Variants in ATRN observed in about 807,000 individuals in gnomAD.
ATRN encodes attractin, also known as attractin-2.
ATRN carries 54 observed loss-of-function variants against 178.7 expected under a neutral mutation model. The ratio of observed to expected loss-of-function variants is 0.30; its 90% CI spans 0.24 to 0.38. The LOEUF (loss-of-function observed/expected upper bound fraction) is 0.38. ATRN is among the 10% of genes least tolerant of loss of function. The pLI is 1.00. For missense variants in ATRN, 1,443 were observed against 1,815.1 expected, an observed-to-expected ratio of 0.79 and a Z score of 3.73; for synonymous variants, 636 against 663.0, an observed-to-expected ratio of 0.96 and a Z score of 0.63.
chr20:3,585,493 A>AT (rs1287137494), intron 18 of ATRN, among the ~76,000 whole-genome samples: 3 of 152,170 alleles, frequency 2.0e-5, no homozygotes, highest in Admixed American at 1.3e-4. Context: ...CCAGGAACCA[A>AT]TTTTTTGTCT....
chr20:3,645,797 C>G lies in ATRN; in HGVS notation c.4166-926C>G, dbSNP rs1033922542. ...CACAGGCTCAACAAGGCAAGTAACACGCTCCACTAACACAACTCCTGGCAG... is the reference window on the plus strand; with the variant it reads ...CACAGGCTCAACAAGGCAAGTAACAGGCTCCACTAACACAACTCCTGGCAG... On this transcript the variant is annotated intron_variant, in intron 28 of 28. Transcript: ENST00000262919. The surrounding 1 kb of genome is among the most constrained non-coding windows in gnomAD (Gnocchi z 4.7). Among the ~76,000 whole-genome samples the G allele has an allele frequency of 1.3e-5, 2 of 151,606 alleles. No individual in the cohort carries two copies. Among genetic ancestry groups the G allele is most frequent in the South Asian group, 2.1e-4 (1 of 4,796 alleles).
rs958562053 is a variant in ATRN at position 3,650,684 on chromosome 20, T to C, written c.*3837T>C. 4.6e-5 allele frequency: 7 copies of C among 152,622 alleles called. No homozygotes were observed. Among genetic ancestry groups the C allele is most frequent in the African/African-American group, 1.2e-4 (5 of 41,466 alleles). The allele number at this position is 152,622 out of a possible 1,614,324, so 9.5% of individuals were successfully genotyped here. A position where few individuals can be genotyped will look rare whatever the true frequency, so the allele number is the denominator to read the frequency against. On this transcript the variant is annotated 3_prime_UTR_variant, in exon 29 of 29. Coordinates refer to ENST00000262919, the MANE Select transcript of ATRN (RefSeq NM_139321.3). ...GAGAGGAAAATTGGCACCTCATCTT[T>C]TAAAGGCAGTAATGGAATTGATTTT...
chr20:3,591,805 C>T (rs1277714626), intron 19 of ATRN, among the ~76,000 whole-genome samples: 1 of 152,184 alleles, frequency 6.6e-6, no homozygotes, highest in Non-Finnish European at 1.5e-5. Flanking sequence ...CCCCCTCCTC[C>T]CCCCATCAGG....
chr20:3,631,681 G>A (rs988303822), intron 25 of ATRN, among the ~76,000 whole-genome samples: 2 of 152,124 alleles, frequency 1.3e-5, no homozygotes, highest in Non-Finnish European at 2.9e-5. Context: ...AGGGAAGCAG[G>A]CACAGACTGT....
chr20:3,625,958 G>A (rs2086934990), intron 25 of ATRN, among the ~76,000 whole-genome samples: 1 of 152,180 alleles, frequency 6.6e-6, no homozygotes, highest in Admixed American at 6.5e-5. Flanking sequence ...GGGGGCAGGT[G>A]CTATGGCTCA....
At chr20:3,585,063 G>A (rs925046558) in intron 18 of ATRN, among the ~76,000 whole-genome samples, 183 bp downstream of exon 18, 1 of 152,200 alleles carries the variant, frequency 6.6e-6, no homozygotes, top group African/African-American at 2.4e-5. Context: ...CCTGCTGAGA[G>A]TGGTGGTGGG....
chr20:3,486,954 C>T (rs912439333), intron 1 of ATRN, among the ~76,000 whole-genome samples: 7 of 152,144 alleles, frequency 4.6e-5, no homozygotes, highest in Non-Finnish European at 8.8e-5. Flanking sequence ...TAGACAGACA[C>T]ATGTTGCCTA....
At chr20:3,530,182 C>G (rs889824028) in intron 1 of ATRN, among the ~76,000 whole-genome samples, 11 of 148,758 alleles carry the variant, frequency 7.4e-5, no homozygotes, top group African/African-American at 2.5e-4. Flanking sequence ...CAAAAATAAT[C>G]TGAGTAGTGT....
Position 3,645,469 on chromosome 20 carries a change from C to G in ATRN, c.4165+1201C>G, listed in dbSNP as rs766919181. Among the ~76,000 whole-genome samples the G allele has an allele frequency of 2.0e-4, 31 of 152,242 alleles. No individual in the cohort carries two copies. The highest frequency in any genetic ancestry group is 2.8e-4 in the Non-Finnish European group (19 of 68,040). On this transcript the variant is annotated intron_variant, in intron 28 of 28. Transcript: ENST00000262919. This position sits in a 1 kb window ranked among gnomAD's most constrained non-coding sequence, Gnocchi z 4.7. ...CTCAAGTGCAGTTTGTGTCTCCTGC[C>G]ACCGCCCAGCCCAGCAAACAGTGGC...
chr20:3,511,664 A>G (rs557484646), intron 1 of ATRN, among the ~76,000 whole-genome samples: 1 of 152,328 alleles, frequency 6.6e-6, no homozygotes, highest in African/African-American at 2.4e-5. Context: ...TTAATTAGAT[A>G]CAAAATACTA....
At chr20:3,627,657 C>G (rs996799071) in intron 25 of ATRN, among the ~76,000 whole-genome samples, 14 of 152,124 alleles carry the variant, frequency 9.2e-5, no homozygotes, top group African/African-American at 3.1e-4. Context: ...ATCCCGCAGA[C>G]GTTTTTTTCC....
intron 13 of ATRN, among the ~76,000 whole-genome samples, 164 bp from the exon 14 acceptor site, chr20:3,576,695 G>GTCTGTCTA (rs11472378): frequency 0.018 from 2,593 of 142,352 alleles, 38 homozygotes; most frequent in South Asian, 0.049. Context: ...CTGTCTGTCT[G>GTCTGTCTA]TCTATCTATC....
chr20:3,508,050 T>C (rs2085071987), intron 1 of ATRN, among the ~76,000 whole-genome samples: 1 of 151,834 alleles, frequency 6.6e-6, no homozygotes, highest in Non-Finnish European at 1.5e-5. Flanking sequence ...ACATTATCTT[T>C]ACACAAGCAA....
intron 23 of ATRN, among the ~76,000 whole-genome samples, chr20:3,602,441 T>A (rs2086623083): frequency 6.6e-6 from 1 of 152,222 alleles, no homozygotes; most frequent in Non-Finnish European, 1.5e-5. Context: ...GGTAACTATA[T>A]TTTATCATTA....
At chr20:3,643,957 G>A (rs1384542141) in intron 27 of ATRN, among the ~76,000 whole-genome samples, 197 bp from the exon 28 acceptor site, 1 of 152,234 alleles carries the variant, frequency 6.6e-6, no homozygotes, top group African/African-American at 2.4e-5. Context: ...AAGGTAGCAA[G>A]CAGTACCACC....
chr20:3,584,154 G>GACAGCACAGCCTCA, intron 17 of ATRN, 71 bp downstream of exon 17: 3 of 1,486,192 alleles, frequency 2.0e-6, no homozygotes, highest in African/African-American at 1.4e-5. Flanking sequence ...CCATGAGGCT[G>GACAGCACAGCCTCA]TGCTGTCAGC....
At chr20:3,474,115 GCCAGGGAGCT>G (rs1243147971) in intron 1 of ATRN, among the ~76,000 whole-genome samples, 1 of 152,158 alleles carries the variant, frequency 6.6e-6, no homozygotes, top group African/African-American at 2.4e-5. Context: ...GAGGGAGATT[GCCAGGGAGCT>G]CTCTCTGAGA....
At position 3,516,239 on chromosome 20, in the gene ATRN, G is replaced by A. The variant is rs541057400; in HGVS notation, c.411-19014G>A. ...GATTGACCCACAGTGCGGAGAGTCT[G>A]TATGAGATGTGTGTTTATAAGTGTG... On this transcript the variant is annotated intron_variant, in intron 1 of 28. Coordinates refer to ENST00000262919, the MANE Select transcript of ATRN (RefSeq NM_139321.3). Among the ~76,000 whole-genome samples the A allele has an allele frequency of 6.6e-5, 10 of 152,316 alleles. No homozygotes were observed. In the South Asian group the frequency reaches 1.4e-3, roughly 22 times the overall value.
rs770173821 is a variant in ATRN, at chr20:3,591,572, G to C, written c.3322+266G>C. The stretch of plus-strand genomic sequence containing the variant: ...AAGCAAGGGCCCAAAACCAGAGAAA[G>C]TGCCAACTTCCCCTGTTTCCTTTCC... On this transcript the variant is annotated intron_variant, in intron 19 of 28. Transcript: ENST00000262919. 2.6e-5 allele frequency among the ~76,000 whole-genome samples: 4 copies of C among 152,218 alleles called. No homozygotes were observed. The South Asian group carries it at 6.2e-4, about 24-fold the overall frequency.
Sources: gnomAD v4.1 joint callset for allele counts (sites outside exome capture counted in the v4.1 genomes callset) on GRCh38, gnomAD v4.1.1 for gene constraint, Gnocchi (gnomAD v3.1) non-coding constraint, MANE v1.5 for transcripts, NCBI Gene and HGNC (gene_info 2026-07-23, HGNC 2026-07-21) for gene names.